PDE4D: variants seen among roughly 807,000 people sequenced by gnomAD.
The protein encoded by PDE4D is 3',5'-cyclic-AMP phosphodiesterase 4D.
PDE4D carries 24 observed loss-of-function variants against 87.4 expected under a neutral mutation model. The observed-to-expected ratio is 0.27, with a 90% CI of 0.20 to 0.39. PDE4D has a LOEUF of 0.39. Among genes scored for constraint, PDE4D ranks in the 10% least tolerant of loss-of-function variants. The probability of loss-of-function intolerance (pLI) is 1.00; values close to 1 mark genes in which losing one functional copy is unlikely to be tolerated. For missense variants in PDE4D, 714 were observed against 1,041.0 expected (o/e 0.69, Z 4.32); for synonymous variants, 384 against 383.2 (o/e 1.00, Z -0.02).
chr5:59,357,240 ACCTT>A (rs553273298), intron 1 of PDE4D, among the ~76,000 whole-genome samples: 27 of 152,308 alleles, frequency 1.8e-4, no homozygotes, highest in African/African-American at 6.5e-4. Flanking sequence ...AAGTGGGTAA[ACCTT>A]TATATCAGTG....
intron 1 of PDE4D, among the ~76,000 whole-genome samples, chr5:59,827,765 C>T (rs1320547850): frequency 7.2e-5 from 11 of 152,018 alleles, no homozygotes; most frequent in Admixed American, 7.2e-4. Flanking sequence ...AACAGCTCAA[C>T]CAGAATTTGA....
At chr5:59,432,930 A>C (rs1023264297) in intron 1 of PDE4D, among the ~76,000 whole-genome samples, 5 of 152,080 alleles carry the variant, frequency 3.3e-5, no homozygotes, top group African/African-American at 1.2e-4. Context: ...ACTCTTCAGT[A>C]TATTTTTCTT....
intron 1 of PDE4D, among the ~76,000 whole-genome samples, chr5:59,827,169 C>G (rs1770428067): frequency 6.6e-6 from 1 of 151,844 alleles, no homozygotes; most frequent in South Asian, 2.1e-4. Flanking sequence ...GATAGAAAAG[C>G]AAGGTGAGCA....
At chr5:59,938,849 C>T (rs532877014) in intron 3 of PDE4D, among the ~76,000 whole-genome samples, 2 of 152,316 alleles carry the variant, frequency 1.3e-5, no homozygotes, top group East Asian at 1.9e-4. Context: ...TACAGCTCTA[C>T]ATTAAAATGT....
At chr5:59,158,024 T>C (rs1352886478) in intron 5 of PDE4D, among the ~76,000 whole-genome samples, 1 of 152,204 alleles carries the variant, frequency 6.6e-6, no homozygotes, top group African/African-American at 2.4e-5. Context: ...TCAAAAGAGA[T>C]AATTGGCCTT....
rs1265405443 is a variant in PDE4D at position 60,457,955 on chromosome 5, C to T, written c.-90+29987G>A. The stretch of plus-strand genomic sequence containing the variant: ...TTCAGTTAACAAATATTTTCTTGAG[C>T]ACCTAATATGTATCAGACTCTCCAC... On this transcript the variant is annotated intron_variant, in intron 1 of 16. Transcript: ENST00000502484. Among the ~76,000 whole-genome samples the T allele has an allele frequency of 6.6e-5, 10 of 152,190 alleles. No homozygotes were observed. The East Asian group carries it at 1.7e-3, about 26-fold the overall frequency.
intron 2 of PDE4D, among the ~76,000 whole-genome samples, chr5:59,200,819 T>A (rs1747169012): frequency 6.6e-6 from 1 of 151,910 alleles, no homozygotes; most frequent in African/African-American, 2.4e-5. Flanking sequence ...CATTCAAAGA[T>A]AACTATTGAT....
At position 59,407,893 on chromosome 5, in the gene PDE4D, G is replaced by T. The variant is rs931298959; in HGVS notation, c.456-191925C>A. Among the ~76,000 whole-genome samples the T allele has an allele frequency of 5.3e-5, 8 of 152,260 alleles. No individual in the cohort carries two copies. In the South Asian group the frequency reaches 1.2e-3, roughly 24 times the overall value. On this transcript the variant is annotated intron_variant, in intron 1 of 14. Coordinates refer to ENST00000340635, the MANE Select transcript of PDE4D (RefSeq NM_001104631.2). ...ACCTATGCTCAGATGCAGAAGCAAA[G>T]AAATAACCTAAACTTGGAATTTTTA...
chr5:59,584,399 A>G (rs1824746349), intron 1 of PDE4D, among the ~76,000 whole-genome samples: 1 of 152,220 alleles, frequency 6.6e-6, no homozygotes, highest in African/African-American at 2.4e-5. Context: ...AACATTCTAC[A>G]TTGGCTTAGT....
At chr5:59,584,000 C>G (rs151007651) in intron 1 of PDE4D, among the ~76,000 whole-genome samples, 1 of 152,218 alleles carries the variant, frequency 6.6e-6, no homozygotes, top group African/African-American at 2.4e-5. Flanking sequence ...CTGTTGCCAA[C>G]TTCTGATCGG....
intron 1 of PDE4D, among the ~76,000 whole-genome samples, chr5:60,262,781 G>A (rs1053177058): frequency 2.6e-5 from 4 of 152,120 alleles, no homozygotes; most frequent in African/African-American, 9.7e-5. Context: ...CTCAGCGAGG[G>A]TTCCTCCCAT....
At chr5:59,049,689 A>G (rs1347145086) in intron 5 of PDE4D, among the ~76,000 whole-genome samples, 1 of 152,256 alleles carries the variant, frequency 6.6e-6, no homozygotes, top group Non-Finnish European at 1.5e-5. Flanking sequence ...AGTTCATATT[A>G]TCAATATTTT....
At chr5:59,768,672 A>C in intron 1 of PDE4D, 7 of 1,482,842 alleles carry the variant, frequency 4.7e-6, no homozygotes, top group East Asian at 2.3e-5. Flanking sequence ...GGTGCAGAGG[A>C]GGCGAGCGCA....
rs762506771 is a variant in PDE4D, at chr5:59,985,124, G to GTTTTTTTTTTTTTTTTTTTTTTT, written c.272+3363_272+3364insAAAAAAAAAAAAAAAAAAAAAAA. Among the ~76,000 whole-genome samples, 13 of 111,342 alleles carry GTTTTTTTTTTTTTTTTTTTTTTT rather than the reference G, an allele frequency of 1.2e-4. 4 individuals carry two copies. Among genetic ancestry groups the GTTTTTTTTTTTTTTTTTTTTTTT allele is most frequent in the Non-Finnish European group, 9.3e-5 (5 of 53,534 alleles). 73.0% of individuals were successfully genotyped at this position (111,342 alleles called of 152,430 possible). ...AATATAAGCCCGAACTTCACCTTTCGTTTTTTGTTTTTTGTTTTTTGTTTT... is the reference window on the plus strand; with the variant it reads ...AATATAAGCCCGAACTTCACCTTTCGTTTTTTTTTTTTTTTTTTTTTTTTTTTTTGTTTTTTGTTTTTTGTTTT... On this transcript the variant is annotated intron_variant, in intron 3 of 16. Coordinates refer to the PDE4D transcript ENST00000502484.
intron 11 of PDE4D, among the ~76,000 whole-genome samples, chr5:58,982,005 A>G (rs1320582512): frequency 2.0e-5 from 3 of 152,212 alleles, no homozygotes; most frequent in Non-Finnish European, 4.4e-5. Context: ...TAAGGAGCTC[A>G]AAGTGGCTAG....
intron 6 of PDE4D, among the ~76,000 whole-genome samples, chr5:59,025,385 C>T (rs867888795): frequency 6.6e-6 from 1 of 152,090 alleles, no homozygotes; most frequent in Non-Finnish European, 1.5e-5. Context: ...TGTAAAGGCA[C>T]AGACAACACA....
At chr5:59,517,365 C>T (rs1037349030) in intron 1 of PDE4D, among the ~76,000 whole-genome samples, 2 of 152,074 alleles carry the variant, frequency 1.3e-5, no homozygotes, top group Non-Finnish European at 2.9e-5. Context: ...TTACTAATGC[C>T]GTCAAGAATG....
chr5:60,289,038 G>A (rs1355017439), intron 1 of PDE4D, among the ~76,000 whole-genome samples: 1 of 152,148 alleles, frequency 6.6e-6, no homozygotes, highest in East Asian at 1.9e-4. Context: ...CAGCTGCTGT[G>A]CCCACTAAAA....
intron 5 of PDE4D, among the ~76,000 whole-genome samples, chr5:59,053,376 C>T (rs1761837519): frequency 7.2e-6 from 1 of 139,362 alleles, no homozygotes; most frequent in Non-Finnish European, 1.6e-5. Context: ...CACACACACA[C>T]ACACACACAC....
Sources: gnomAD v4.1 joint callset for allele counts (sites outside exome capture counted in the v4.1 genomes callset) on GRCh38, gnomAD v4.1.1 for gene constraint, MANE v1.5 for transcripts, NCBI Gene and HGNC (gene_info 2026-07-23, HGNC 2026-07-21) for gene names.